The following PBX1 variants were observed in gnomAD, a reference collection of about 807,000 sequenced individuals.
PBX1 encodes the protein pre-B-cell leukemia transcription factor 1.
Under a neutral mutation model 53.4 loss-of-function variants are expected in PBX1, and 6 were observed. The observed-to-expected ratio is 0.11, with a 90% CI of 0.06 to 0.22. The LOEUF (loss-of-function observed/expected upper bound fraction) is 0.22, where lower values mean the gene tolerates loss of function less well. Ranked by LOEUF, PBX1 falls within the 10% of genes least tolerant of loss-of-function variation. The pLI, the probability that PBX1 is intolerant of heterozygous loss-of-function variation, is 1.00. For missense variants in PBX1, 251 were observed against 551.4 expected (o/e 0.46, Z 5.46); for synonymous variants, 204 against 212.3 (o/e 0.96, Z 0.34).
intron 2 of PBX1, among the ~76,000 whole-genome samples, chr1:164,571,458 G>A (rs1208221897): frequency 6.6e-6 from 1 of 151,840 alleles, no homozygotes; most frequent in Non-Finnish European, 1.5e-5. Flanking sequence ...GATGTTTTTT[G>A]ACTCATTTCT....
chr1:164,862,736 GCACTCGGTCCAGCCAA>G (rs1672129779), intron 2 of PBX1, among the ~76,000 whole-genome samples: 1 of 152,278 alleles, frequency 6.6e-6, no homozygotes, highest in African/African-American at 2.4e-5. Context: ...TACTTCCCCA[GCACTCGGTCCAGCCAA>G]CACCATTGCC....
downstream of PBX1, among the ~76,000 whole-genome samples, chr1:164,853,944 T>A (rs928933135): frequency 2.0e-5 from 3 of 151,536 alleles, no homozygotes; most frequent in Non-Finnish European, 4.4e-5. Context: ...TATTTTATTT[T>A]TTTTTTTGAG....
At chr1:164,635,141 A>G (rs1254028389) in intron 2 of PBX1, among the ~76,000 whole-genome samples, 5 of 152,116 alleles carry the variant, frequency 3.3e-5, no homozygotes, top group Admixed American at 3.3e-4. Flanking sequence ...ACTGTAAAAA[A>G]TGTTAATTTA....
chr1:164,677,098 T>C (rs1343020250), intron 2 of PBX1, among the ~76,000 whole-genome samples: 1 of 36,180 alleles, frequency 2.8e-5, no homozygotes, highest in Non-Finnish European at 6.5e-5. Context: ...TTTTTTTTTT[T>C]TTTTTAAGAC....
chr1:164,823,557 G>A (rs1382010362), intron 8 of PBX1, among the ~76,000 whole-genome samples: 8 of 131,744 alleles, frequency 6.1e-5, no homozygotes, highest in South Asian at 2.4e-4. Flanking sequence ...GTTATTTGGC[G>A]TCTTTCTTTC....
downstream of PBX1, among the ~76,000 whole-genome samples, chr1:164,856,297 C>A (rs1671973867): frequency 6.6e-6 from 1 of 152,060 alleles, no homozygotes; most frequent in East Asian, 1.9e-4. Context: ...GAGATTTGCA[C>A]CTGATGTTTC....
intron 2 of PBX1, among the ~76,000 whole-genome samples, chr1:164,667,230 G>A (rs549065126): frequency 7.9e-5 from 12 of 152,190 alleles, no homozygotes; most frequent in East Asian, 1.9e-4. Flanking sequence ...TGCACTGGGC[G>A]TGTATTTAGT....
At chr1:164,839,380 C>CT (rs573026778) in intron 8 of PBX1, among the ~76,000 whole-genome samples, 2 of 152,190 alleles carry the variant, frequency 1.3e-5, no homozygotes, top group Non-Finnish European at 2.9e-5. Flanking sequence ...TAATTAAAAA[C>CT]TAAGTGATTA....
intron 2 of PBX1, among the ~76,000 whole-genome samples, chr1:164,567,449 T>C (rs1653514601): frequency 6.6e-6 from 1 of 151,844 alleles, no homozygotes; most frequent in South Asian, 2.1e-4. Context: ...TTTTTTTTTT[T>C]CTCCCTCCTG....
chr1:164,773,787 G>C (rs1189954104), intron 2 of PBX1, among the ~76,000 whole-genome samples: 1 of 152,190 alleles, frequency 6.6e-6, no homozygotes, highest in Non-Finnish European at 1.5e-5. Context: ...AAAGGATTGG[G>C]TGTTGGGAAG....
intron 2 of PBX1, among the ~76,000 whole-genome samples, chr1:164,644,270 T>G (rs1389726173): frequency 6.6e-6 from 1 of 152,226 alleles, no homozygotes; most frequent in Non-Finnish European, 1.5e-5. Context: ...TTCTTTGAAT[T>G]TATTGGTGGA....
chr1:164,843,232 GT>G (rs1250568683), intron 8 of PBX1, among the ~76,000 whole-genome samples: 2 of 152,116 alleles, frequency 1.3e-5, no homozygotes, highest in Non-Finnish European at 2.9e-5. Flanking sequence ...ATAATATACC[GT>G]CCTATAAAGC....
At chr1:164,879,531 C>A (rs1035356446) in intron 2 of PBX1, among the ~76,000 whole-genome samples, 2 of 152,116 alleles carry the variant, frequency 1.3e-5, no homozygotes, top group Admixed American at 6.6e-5. Flanking sequence ...TAAGTGGAAA[C>A]CTCCAACAGG....
chr1:164,747,321 A>ATG (rs749921631), intron 2 of PBX1, among the ~76,000 whole-genome samples: 2 of 144,788 alleles, frequency 1.4e-5, no homozygotes, highest in African/African-American at 5.1e-5. Flanking sequence ...TGAATCATGT[A>ATG]TATATATATA....
intron 2 of PBX1, among the ~76,000 whole-genome samples, chr1:164,714,930 T>C (rs1284918810): frequency 1.3e-5 from 2 of 152,232 alleles, no homozygotes; most frequent in African/African-American, 4.8e-5. Context: ...TTTAGTTCTA[T>C]GATGAAGCAT....
chr1:164,679,955 T>A (rs976254338), intron 2 of PBX1: 10 of 152,120 alleles, frequency 6.6e-5, no homozygotes, highest in Non-Finnish European at 1.2e-4. Flanking sequence ...GAAAACTGAC[T>A]GATGTGATCT....
At chr1:164,789,819 C>T (rs1011729203) in intron 2 of PBX1, among the ~76,000 whole-genome samples, 1 of 152,108 alleles carries the variant, frequency 6.6e-6, no homozygotes, top group Non-Finnish European at 1.5e-5. Flanking sequence ...TCCTGCCAGC[C>T]GTGGGGGCTT....
chr1:164,723,609 T>C (rs1204473508), intron 2 of PBX1, among the ~76,000 whole-genome samples: 2 of 152,182 alleles, frequency 1.3e-5, no homozygotes, highest in Non-Finnish European at 2.9e-5. Flanking sequence ...GGCGTGGACT[T>C]GTCTAAAAGG....
intron 2 of PBX1, among the ~76,000 whole-genome samples, chr1:164,780,868 ACACCGTTAGTAT>A (rs1206368467): frequency 2.6e-5 from 4 of 152,106 alleles, no homozygotes; most frequent in Middle Eastern, 3.2e-3. Context: ...CTTGTCCAGG[ACACCGTTAGTAT>A]CACCGTTAGT....
Sources: allele counts gnomAD v4.1 joint callset (sites outside exome capture counted in the v4.1 genomes callset), GRCh38; gene constraint gnomAD v4.1.1; transcripts MANE v1.5; gene names NCBI Gene and HGNC (gene_info 2026-07-23, HGNC 2026-07-21).